EPB41L3: variants seen among roughly 807,000 people sequenced by gnomAD.
EPB41L3 encodes the protein erythrocyte membrane protein band 4.1 like 3, also known as band 4.1-like protein 3.
EPB41L3 carries 57 observed loss-of-function variants against 127.1 expected under a neutral mutation model. That is an observed-to-expected ratio of 0.45 (90% CI 0.36 to 0.56). The LOEUF is 0.56. EPB41L3 is among the 20% of genes least tolerant of loss of function. EPB41L3 has a pLI of 0.00. For missense variants in EPB41L3, 1,273 were observed against 1,372.2 expected (o/e 0.93, Z 1.14); for synonymous variants, 572 against 549.5 (o/e 1.04, Z -0.57).
upstream of EPB41L3, among the ~76,000 whole-genome samples, chr18:5,545,375 G>C (rs1184926960): frequency 6.6e-6 from 1 of 152,086 alleles, no homozygotes; most frequent in Non-Finnish European, 1.5e-5. Flanking sequence ...TAGTGGGCCT[G>C]ATCTGTCAGT....
intron 1 of EPB41L3, among the ~76,000 whole-genome samples, chr18:5,541,061 G>A (rs567767812): frequency 0.024 from 2,607 of 109,068 alleles, 82 homozygotes; most frequent in African/African-American, 0.073. Context: ...CTCCAGCCTG[G>A]GCGACAGAGC....
intron 3 of EPB41L3, among the ~76,000 whole-genome samples, chr18:5,462,642 G>C (rs2084227307): frequency 6.6e-6 from 1 of 152,108 alleles, no homozygotes; most frequent in Non-Finnish European, 1.5e-5. Context: ...CCGAGGGTGG[G>C]GGATTTGTCA....
In EPB41L3 at chr18:5,434,199, G is replaced by A. The variant is rs1427921294; in HGVS notation, c.606-78C>T. 1.2e-5 allele frequency: 14 copies of A among 1,165,622 alleles called. No individual in the cohort carries two copies. In the East Asian group the frequency reaches 3.4e-4, roughly 28 times the overall value. The allele number at this position is 1,165,622 out of a possible 1,614,324, so 72.2% of individuals were successfully genotyped here. A position where few individuals can be genotyped will look rare whatever the true frequency, so the allele number is the denominator to read the frequency against. On this transcript the variant is annotated intron_variant, in intron 6 of 22. Transcript: ENST00000341928. ...AAGGAGGTCGCTTGGTAAAAATCGT[G>A]GGCAAATAATTTCTCCCTGTAGAAC... is the stretch of plus-strand genomic sequence containing the variant.
chr18:5,430,976 T>A (rs917245316), intron 8 of EPB41L3, among the ~76,000 whole-genome samples: 29 of 152,190 alleles, frequency 1.9e-4, no homozygotes, highest in African/African-American at 6.3e-4. Flanking sequence ...ACCCAAATAG[T>A]CTCTGTCATC....
rs1288579502 is a variant in EPB41L3, at chr18:5,392,876, T to C, written c.*609A>G. On this transcript the variant is annotated 3_prime_UTR_variant, in exon 23 of 23. Coordinates refer to ENST00000341928, the MANE Select transcript of EPB41L3 (RefSeq NM_012307.5). ...ATTAAATGAGATACACAAAGCAAGATTGGAAGCATTACATATTTCCAGAGG... is the reference window on the plus strand; with the variant it reads ...ATTAAATGAGATACACAAAGCAAGACTGGAAGCATTACATATTTCCAGAGG... 2.0e-5 allele frequency: 3 copies of C among 152,634 alleles called. No homozygotes were observed. Among genetic ancestry groups the C allele is most frequent in the African/African-American group, 4.8e-5 (2 of 41,432 alleles). 9.5% of individuals were successfully genotyped at this position (152,634 alleles called of 1,614,324 possible). A position where few individuals can be genotyped will look rare whatever the true frequency, so the allele number is the denominator to read the frequency against.
At chr18:5,618,098 G>A (rs1221522275) in intron 1 of EPB41L3, among the ~76,000 whole-genome samples, 1 of 151,972 alleles carries the variant, frequency 6.6e-6, no homozygotes, top group Admixed American at 6.6e-5. Context: ...CTTCTCTCCG[G>A]GCAAATAATT....
rs1478804854 is a variant in EPB41L3, at chr18:5,417,857, C to T, written c.1507-1479G>A. 2.6e-5 allele frequency among the ~76,000 whole-genome samples: 4 copies of T among 152,140 alleles called. No individual in the cohort carries two copies. In the East Asian group the frequency reaches 7.7e-4, roughly 29 times the overall value. ...CATTCAACTAAGAATAATGTAGCTG[C>T]TACACATTAACTTCTGCATGAAGAC... On this transcript the variant is annotated intron_variant, in intron 12 of 22. Coordinates refer to ENST00000341928, the MANE Select transcript of EPB41L3 (RefSeq NM_012307.5).
intron 3 of EPB41L3, among the ~76,000 whole-genome samples, chr18:5,584,890 A>T (rs2094428871): frequency 6.6e-6 from 1 of 152,198 alleles, no homozygotes; most frequent in Non-Finnish European, 1.5e-5. Context: ...TGTCTTAAAT[A>T]AAAAAATGAA....
intron 3 of EPB41L3, among the ~76,000 whole-genome samples, chr18:5,600,467 G>C (rs2094578726): frequency 6.6e-6 from 1 of 152,100 alleles, no homozygotes; most frequent in Non-Finnish European, 1.5e-5. Context: ...TAAAATATCA[G>C]TCTTTTGCTT....
intron 3 of EPB41L3, among the ~76,000 whole-genome samples, chr18:5,595,315 C>A (rs752101935): frequency 1.3e-5 from 2 of 152,164 alleles, no homozygotes; most frequent in Admixed American, 6.5e-5. Context: ...TTATATGTAG[C>A]CCTGGAAGAA....
chr18:5,523,141 A>T (rs2093066959), intron 1 of EPB41L3, among the ~76,000 whole-genome samples: 1 of 152,230 alleles, frequency 6.6e-6, no homozygotes, highest in South Asian at 2.1e-4. Flanking sequence ...TAAGCATCAC[A>T]CAAGGGCCAC....
In EPB41L3 at chr18:5,543,747, G is replaced by T. The variant is rs1170644965; in HGVS notation, c.-12+166C>A. 1.3e-5 allele frequency among the ~76,000 whole-genome samples: 2 copies of T among 148,596 alleles called. No individual in the cohort carries two copies. Among genetic ancestry groups the T allele is most frequent in the Non-Finnish European group, 3.0e-5 (2 of 66,868 alleles). On this transcript the variant is annotated intron_variant, in intron 1 of 22. Coordinates refer to ENST00000341928, the MANE Select transcript of EPB41L3 (RefSeq NM_012307.5). The surrounding 1 kb of genome is among the most constrained non-coding windows in gnomAD (Gnocchi z 5.2). ...AGCGGGAGGGCGGTTGGGGACCCCGGCCGCGCCGGGCGCGGGGCTCGGGAT... is the reference window on the plus strand; with the variant it reads ...AGCGGGAGGGCGGTTGGGGACCCCGTCCGCGCCGGGCGCGGGGCTCGGGAT...
chr18:5,549,182 G>A (rs1475905090), upstream of EPB41L3, among the ~76,000 whole-genome samples: 1 of 152,150 alleles, frequency 6.6e-6, no homozygotes, highest in Non-Finnish European at 1.5e-5. Context: ...TAAGGAAAAA[G>A]CATTAGCTTT....
At chr18:5,538,862 A>G (rs1415894164) in intron 1 of EPB41L3, among the ~76,000 whole-genome samples, 1 of 152,172 alleles carries the variant, frequency 6.6e-6, no homozygotes, top group Non-Finnish European at 1.5e-5. Flanking sequence ...AGGATCTACC[A>G]ATTTGAGCTA....
At chr18:5,450,465 TG>T (rs11318006) in intron 3 of EPB41L3, among the ~76,000 whole-genome samples, 107,766 of 146,960 alleles carry the variant, frequency 0.73, 39,224 homozygotes, top group East Asian at 0.85. Context: ...ATAGAGAAAC[TG>T]GGGGGGGTGA....
At chr18:5,615,193 T>C in intron 1 of EPB41L3, among the ~76,000 whole-genome samples, 1 of 141,868 alleles carries the variant, frequency 7.0e-6, no homozygotes, top group East Asian at 1.9e-4. Context: ...TCAGTGTATC[T>C]AATTCAGACT....
chr18:5,618,608 T>C (rs1228529872), intron 1 of EPB41L3, among the ~76,000 whole-genome samples: 2 of 152,216 alleles, frequency 1.3e-5, no homozygotes, highest in Non-Finnish European at 1.5e-5. Flanking sequence ...TCTCATATCA[T>C]GTGCAAACTG....
intron 3 of EPB41L3, among the ~76,000 whole-genome samples, chr18:5,576,637 C>G (rs936478713): frequency 6.6e-6 from 1 of 152,092 alleles, no homozygotes; most frequent in South Asian, 2.1e-4. Context: ...ACTAAGAGAC[C>G]CATACGTAAG....
At chr18:5,502,430 A>T (rs558226605) in intron 1 of EPB41L3, among the ~76,000 whole-genome samples, 1 of 152,234 alleles carries the variant, frequency 6.6e-6, no homozygotes, top group African/African-American at 2.4e-5. Flanking sequence ...TATATTGATA[A>T]TTTTTTTAAC....
Sources: allele counts gnomAD v4.1 joint callset (sites outside exome capture counted in the v4.1 genomes callset), GRCh38; gene constraint gnomAD v4.1.1; non-coding constraint Gnocchi (gnomAD v3.1); transcripts MANE v1.5; gene names NCBI Gene and HGNC (gene_info 2026-07-23, HGNC 2026-07-21).